Variants in ACOT1 observed in about 807,000 individuals in gnomAD.
ACOT1 encodes acyl-CoA thioesterase 1.
ACOT1 carries 8 observed loss-of-function variants against 15.7 expected under a neutral mutation model. The ratio of observed to expected loss-of-function variants is 0.51; its 90% CI spans 0.30 to 0.92. The LOEUF (loss-of-function observed/expected upper bound fraction) is 0.92, where lower values mean the gene tolerates loss of function less well. Among genes scored for constraint, ACOT1 ranks in the 40% least tolerant of loss-of-function variants. The pLI is 0.06. For missense variants in ACOT1, 151 were observed against 539.4 expected, an observed-to-expected ratio of 0.28 and a Z score of 7.13; for synonymous variants, 67 against 241.2, an observed-to-expected ratio of 0.28 and a Z score of 6.69.
At chr14:73,499,788 A>T in the ACOT1 span, among the ~76,000 whole-genome samples, 2 of 152,154 alleles carry the variant, frequency 1.3e-5, no homozygotes, top group African/African-American at 2.4e-5. Context: ...AGGTAATGAG[A>T]AGCTAGTTAA....
chr14:73,535,469 C>CTTT (rs869167008), upstream of ACOT1, among the ~76,000 whole-genome samples: 12 of 16,534 alleles, frequency 7.3e-4, 1 homozygote, highest in South Asian at 2.6e-3. Flanking sequence ...TTTCTTCTTT[C>CTTT]TTTTTTTTTT....
chr14:73,535,715 G>A (rs1479179508), upstream of ACOT1, among the ~76,000 whole-genome samples: 3 of 112,282 alleles, frequency 2.7e-5, no homozygotes, highest in East Asian at 7.0e-4. Context: ...TGCTGACCTC[G>A]TGATCCACCC....
At chr14:73,512,012 C>T in the ACOT1 span, 1 of 1,613,946 alleles carries the variant, frequency 6.2e-7, no homozygotes, top group Non-Finnish European at 8.5e-7. Context: ...TCACCTGAGT[C>T]TCTCTGGCTG....
At chr14:73,498,980 C>G in the ACOT1 span, 11 of 1,048,930 alleles carry the variant, frequency 1.0e-5, no homozygotes, top group African/African-American at 1.2e-4. Flanking sequence ...TCCTGCACTT[C>G]ACCCCATTAG....
chr14:73,495,159 A>C, the ACOT1 span: 1 of 1,446,134 alleles, frequency 6.9e-7, no homozygotes. Flanking sequence ...CTAAGTCCCA[A>C]AACATCCAGA....
chr14:73,500,630 G>T, the ACOT1 span: 3 of 1,614,186 alleles, frequency 1.9e-6, no homozygotes, highest in Middle Eastern at 3.3e-4. Context: ...GAGAAGCAGT[G>T]CAGGAAGCTT....
chr14:73,518,745 C>T, the ACOT1 span, among the ~76,000 whole-genome samples: 1 of 152,152 alleles, frequency 6.6e-6, no homozygotes, highest in Non-Finnish European at 1.5e-5. Flanking sequence ...GAGATAGGAG[C>T]TGCCTTATTG....
chr14:73,497,841 G>T, the ACOT1 span, among the ~76,000 whole-genome samples: 3 of 151,912 alleles, frequency 2.0e-5, no homozygotes, highest in African/African-American at 4.8e-5. Flanking sequence ...GGTCAGGCTG[G>T]TCTCAAACTC....
At chr14:73,498,245 CG>C in the ACOT1 span, 1 of 1,614,086 alleles carries the variant, frequency 6.2e-7, no homozygotes, top group Non-Finnish European at 8.5e-7. Context: ...TAGGATGCTA[CG>C]GCAAGCTTCC....
the ACOT1 span, among the ~76,000 whole-genome samples, chr14:73,502,066 T>A: frequency 2.6e-4 from 38 of 148,924 alleles, no homozygotes; most frequent in South Asian, 1.5e-3. Flanking sequence ...TTTTTTTTTT[T>A]AATTTTTAGT....
At chr14:73,494,948 C>T in the ACOT1 span, among the ~76,000 whole-genome samples, 5 of 152,072 alleles carry the variant, frequency 3.3e-5, no homozygotes, top group African/African-American at 1.2e-4. Flanking sequence ...TTTATAAAGA[C>T]TTGTGTTTTT....
the ACOT1 span, chr14:73,509,396 G>A: frequency 1.4e-5 from 22 of 1,613,910 alleles, no homozygotes; most frequent in Admixed American, 3.3e-5. Context: ...GCTGCCATCC[G>A]CACATGGGCA....
chr14:73,511,844 C>T, the ACOT1 span, among the ~76,000 whole-genome samples: 2 of 152,322 alleles, frequency 1.3e-5, no homozygotes, highest in African/African-American at 4.8e-5. Context: ...ATTTTAATCT[C>T]GTCTCTATTG....
At chr14:73,537,040 GTGGCATGATCT>G (rs1888883935), upstream of ACOT1, 1 of 157,228 alleles carries the variant, frequency 6.4e-6, no homozygotes, top group Non-Finnish European at 1.2e-5. Context: ...CTGTAGTGCA[GTGGCATGATCT>G]TGGCCAACTG....
the ACOT1 span, among the ~76,000 whole-genome samples, chr14:73,513,788 A>T: frequency 6.7e-6 from 1 of 149,778 alleles, no homozygotes; most frequent in East Asian, 2.0e-4. Flanking sequence ...TCTGCAGTGT[A>T]ATAATGAGTT....
the ACOT1 span, among the ~76,000 whole-genome samples, chr14:73,518,067 C>T: frequency 2.6e-5 from 4 of 152,048 alleles, no homozygotes; most frequent in Non-Finnish European, 1.5e-5. Context: ...GCCTGGGCGA[C>T]AGAGCGAGAC....
chr14:73,537,124 A>G, upstream of ACOT1: 1 of 278,666 alleles, frequency 3.6e-6, no homozygotes, highest in Non-Finnish European at 6.2e-6. Flanking sequence ...GCCGGGACGA[A>G]CCAGTCCTGG....
intron 1 of ACOT1, among the ~76,000 whole-genome samples, chr14:73,538,457 C>CA (rs1888953745): frequency 8.9e-6 from 1 of 111,924 alleles, no homozygotes. Context: ...ACTAAAAATA[C>CA]AAAAAATTAG....
At chr14:73,493,014 T>TTC in the ACOT1 span, 19 of 1,579,700 alleles carry the variant, frequency 1.2e-5, no homozygotes, top group South Asian at 2.0e-4. Flanking sequence ...TTTTTTTTTT[T>TTC]TCCTTAAACT....
Sources: gnomAD v4.1 joint callset for allele counts (sites outside exome capture counted in the v4.1 genomes callset) on GRCh38, gnomAD v4.1.1 for gene constraint, MANE v1.5 for transcripts, NCBI Gene and HGNC (gene_info 2026-07-23, HGNC 2026-07-21) for gene names.